RSRC1: variants seen among roughly 807,000 people sequenced by gnomAD.
RSRC1 encodes arginine and serine rich coiled-coil 1, also known as serine/Arginine-related protein 53.
In RSRC1, 39 loss-of-function variants were observed where a neutral mutation model predicts 49.1. The observed-to-expected ratio is 0.79, with a 90% CI of 0.61 to 1.04. RSRC1 has a LOEUF of 1.04. RSRC1 is among the 50% of genes least tolerant of loss of function. The pLI, the probability that RSRC1 is intolerant of heterozygous loss-of-function variation, is 0.00. For synonymous variants in RSRC1, 143 were observed against 130.8 expected (o/e 1.09, Z -0.63); for missense variants, 388 against 402.4 (o/e 0.96, Z 0.31).
chr3:158,111,580 T>A (rs1714413193), intron 1 of RSRC1, among the ~76,000 whole-genome samples: 1 of 152,214 alleles, frequency 6.6e-6, no homozygotes, highest in African/African-American at 2.4e-5. Flanking sequence ...TTGACAGAAT[T>A]CTTTATCTCT....
intron 6 of RSRC1, among the ~76,000 whole-genome samples, chr3:158,367,427 A>G (rs544389431): frequency 2.6e-5 from 4 of 152,156 alleles, no homozygotes; most frequent in African/African-American, 9.6e-5. Context: ...TGTTTATGTG[A>G]TGGATTACAT....
At chr3:158,237,256 T>A (rs1050910052) in intron 4 of RSRC1, among the ~76,000 whole-genome samples, 4 of 152,196 alleles carry the variant, frequency 2.6e-5, no homozygotes, top group Non-Finnish European at 5.9e-5. Context: ...AGTAAACACC[T>A]AACAGTCAGT....
chr3:158,365,910 G>T (rs1731738428), intron 6 of RSRC1, among the ~76,000 whole-genome samples: 1 of 150,336 alleles, frequency 6.7e-6, no homozygotes, highest in Admixed American at 6.6e-5. Context: ...GTGATGATGA[G>T]CTTTTTTTTG....
intron 5 of RSRC1, among the ~76,000 whole-genome samples, chr3:158,311,714 A>G (rs770302018): frequency 1.3e-5 from 2 of 151,904 alleles, no homozygotes; most frequent in Non-Finnish European, 2.9e-5. Context: ...GATCTTAAAT[A>G]CTCTTACCAC....
intron 7 of RSRC1, among the ~76,000 whole-genome samples, chr3:158,466,699 G>A (rs558111939): frequency 2.0e-5 from 3 of 152,240 alleles, no homozygotes; most frequent in African/African-American, 7.2e-5. Context: ...ACCTCTCTGC[G>A]ACTCTAAAGT....
intron 6 of RSRC1, among the ~76,000 whole-genome samples, chr3:158,456,645 A>G (rs886631992): frequency 7.2e-5 from 11 of 152,190 alleles, no homozygotes; most frequent in Admixed American, 2.0e-4. Context: ...TTCACAGAAG[A>G]GAGTGATATT....
chr3:158,453,260 C>T (rs1344862681), intron 6 of RSRC1, among the ~76,000 whole-genome samples: 1 of 151,590 alleles, frequency 6.6e-6, no homozygotes, highest in Non-Finnish European at 1.5e-5. Context: ...CTTGTGCACA[C>T]ATTTTCAAAC....
At chr3:158,303,404 G>C (rs1214377693) in intron 5 of RSRC1, 1 of 152,182 alleles carries the variant, frequency 6.6e-6, no homozygotes, top group Non-Finnish European at 1.5e-5. Flanking sequence ...TTTCTGAAAA[G>C]TCAAATAAAT....
intron 4 of RSRC1, among the ~76,000 whole-genome samples, chr3:158,230,548 AAATG>A (rs36091784): frequency 0.57 from 86,159 of 151,446 alleles, 24,843 homozygotes; most frequent in East Asian, 0.73. Context: ...TTAAGTGAAT[AAATG>A]AAATAAAACA....
At chr3:158,158,445 A>G (rs1718014283) in intron 3 of RSRC1, among the ~76,000 whole-genome samples, 1 of 152,182 alleles carries the variant, frequency 6.6e-6, no homozygotes, top group African/African-American at 2.4e-5. Flanking sequence ...ATCATATTCT[A>G]TTTTAAACAT....
At chr3:158,318,017 T>TTG (rs201577976) in intron 5 of RSRC1, among the ~76,000 whole-genome samples, 7 of 132,838 alleles carry the variant, frequency 5.3e-5, no homozygotes, top group African/African-American at 1.8e-4. Flanking sequence ...TTATGAAGTT[T>TTG]TGTGTGTGCG....
intron 6 of RSRC1, among the ~76,000 whole-genome samples, chr3:158,460,120 C>G (rs1737537382): frequency 6.6e-6 from 1 of 151,784 alleles, no homozygotes; most frequent in African/African-American, 2.4e-5. Context: ...TTTCTTTTGA[C>G]AAGGCAATAC....
At chr3:158,466,988 G>A (rs1737920588) in intron 7 of RSRC1, among the ~76,000 whole-genome samples, 1 of 152,174 alleles carries the variant, frequency 6.6e-6, no homozygotes, top group African/African-American at 2.4e-5. Flanking sequence ...GAGCCCAGAA[G>A]TTCGAGGTTC....
chr3:158,371,380 C>G (rs187894841), intron 6 of RSRC1, among the ~76,000 whole-genome samples: 1 of 151,828 alleles, frequency 6.6e-6, no homozygotes, highest in Admixed American at 6.6e-5. Flanking sequence ...TTCCCCCATA[C>G]CCCTTTTTTG....
At chr3:158,375,003 C>T (rs956862522) in intron 6 of RSRC1, among the ~76,000 whole-genome samples, 4 of 151,690 alleles carry the variant, frequency 2.6e-5, no homozygotes, top group African/African-American at 4.8e-5. Context: ...TTGAAATGGT[C>T]GTTATTTCGC....
intron 4 of RSRC1, among the ~76,000 whole-genome samples, chr3:158,246,755 T>TA (rs988660137): frequency 1.3e-5 from 2 of 152,222 alleles, no homozygotes; most frequent in Non-Finnish European, 2.9e-5. Flanking sequence ...GGTCCACCGA[T>TA]AGTCTCATGG....
At chr3:158,469,967 G>T (rs1220978903) in intron 7 of RSRC1, among the ~76,000 whole-genome samples, 2 of 152,052 alleles carry the variant, frequency 1.3e-5, no homozygotes, top group East Asian at 3.9e-4. Context: ...TCTATTAAAA[G>T]AAATTTGACC....
chr3:158,184,835 A>G (rs556013076), intron 3 of RSRC1, among the ~76,000 whole-genome samples: 1 of 152,218 alleles, frequency 6.6e-6, no homozygotes, highest in East Asian at 1.9e-4. Context: ...AGATATTAAT[A>G]TTTTGTCCCA....
rs1287083894 is a variant in RSRC1, at chr3:158,227,532, A to C, written c.494+24287A>C. On this transcript the variant is annotated intron_variant, in intron 4 of 9. Transcript: ENST00000611884. Reference sequence around the variant, plus strand: ...AATCTTATTGAGGATCACATGATATAAAATGAATAAAAGAAGAGCCTTGGT... The same window carrying C: ...AATCTTATTGAGGATCACATGATATCAAATGAATAAAAGAAGAGCCTTGGT... Among the ~76,000 whole-genome samples, 3 of 152,026 alleles carry C rather than the reference A, an allele frequency of 2.0e-5. No individual in the cohort carries two copies. The East Asian group carries it at 5.8e-4, about 29-fold the overall frequency.
Sources: allele counts gnomAD v4.1 joint callset (sites outside exome capture counted in the v4.1 genomes callset), GRCh38; gene constraint gnomAD v4.1.1; transcripts MANE v1.5; gene names NCBI Gene and HGNC (gene_info 2026-07-23, HGNC 2026-07-21).